SULF1: variants seen among roughly 807,000 people sequenced by gnomAD.
SULF1 encodes extracellular sulfatase Sulf-1.
In SULF1, 46 loss-of-function variants were observed where a neutral mutation model predicts 110.5. That is an observed-to-expected ratio of 0.42 (90% CI 0.33 to 0.53). The LOEUF (loss-of-function observed/expected upper bound fraction) is 0.53. Ranked by LOEUF, SULF1 falls within the 20% of genes least tolerant of loss-of-function variation. The pLI is 0.12. For synonymous variants in SULF1, 371 were observed against 387.1 expected, an observed-to-expected ratio of 0.96 and a Z score of 0.49; for missense variants, 941 against 1,094.2, an observed-to-expected ratio of 0.86 and a Z score of 1.98.
At chr8:69,470,048 CA>C (rs113433043) in intron 1 of SULF1, among the ~76,000 whole-genome samples, 2 of 151,386 alleles carry the variant, frequency 1.3e-5, no homozygotes, top group Admixed American at 6.6e-5. Context: ...GTCTAAAAAA[CA>C]AAAAAAACCA....
chr8:69,480,323 T>A (rs1170809718), intron 1 of SULF1, among the ~76,000 whole-genome samples: 1 of 152,180 alleles, frequency 6.6e-6, no homozygotes, highest in Non-Finnish European at 1.5e-5. Context: ...TTTGCCTGAG[T>A]CTAAACACCT....
Position 69,660,709 on chromosome 8 carries a change from C to T in SULF1, c.*2174C>T, listed in dbSNP as rs561680052. The T allele has an allele frequency of 3.9e-5, 6 of 152,584 alleles. No individual in the cohort carries two copies. In the South Asian group the frequency reaches 1.2e-3, roughly 32 times the overall value. The allele number at this position is 152,584 out of a possible 1,614,324, so 9.5% of individuals were successfully genotyped here. On this transcript the variant is annotated 3_prime_UTR_variant, in exon 23 of 23. Transcript: ENST00000402687. ...ACATATGTTCAAATTAGCTGCTTGC[C>T]TGATGTGTGTATCATCGGTGGGATG...
chr8:69,475,512 T>C (rs954114085), intron 1 of SULF1, among the ~76,000 whole-genome samples: 2 of 151,958 alleles, frequency 1.3e-5, no homozygotes, highest in African/African-American at 4.8e-5. Flanking sequence ...ATAATGCAAC[T>C]TGGTGATTAG....
chr8:69,554,993 A>C (rs1315120527), intron 3 of SULF1, among the ~76,000 whole-genome samples: 15 of 88,330 alleles, frequency 1.7e-4, no homozygotes, highest in East Asian at 6.6e-4. Flanking sequence ...AAAAAAAAAA[A>C]AAAAACAAAA....
intron 3 of SULF1, among the ~76,000 whole-genome samples, chr8:69,532,536 A>G (rs899122056): frequency 6.6e-6 from 1 of 152,210 alleles, no homozygotes; most frequent in Admixed American, 6.5e-5. Context: ...CACAGAAAGG[A>G]GCTAGTGTTT....
chr8:69,575,417 C>T (rs1805532487), intron 5 of SULF1, among the ~76,000 whole-genome samples: 1 of 152,126 alleles, frequency 6.6e-6, no homozygotes, highest in African/African-American at 2.4e-5. Context: ...ATTTGGTGAG[C>T]TTGCTAGAGG....
At chr8:69,526,023 A>T (rs190065059) in intron 3 of SULF1, among the ~76,000 whole-genome samples, 1 of 152,332 alleles carries the variant, frequency 6.6e-6, no homozygotes, top group African/African-American at 2.4e-5. Context: ...TGAGAATATA[A>T]TATATTCTCT....
chr8:69,526,798 A>AAAGGAAGGAAGGAAGG (rs5892198), intron 3 of SULF1, among the ~76,000 whole-genome samples: 3,040 of 112,200 alleles, frequency 0.027, 66 homozygotes, highest in Middle Eastern at 0.03. Context: ...GTCAAGAAAG[A>AAAGGAAGGAAGGAAGG]AAGGAAGGAA....
At chr8:69,501,055 T>C (rs1417038932) in intron 2 of SULF1, among the ~76,000 whole-genome samples, 1 of 152,168 alleles carries the variant, frequency 6.6e-6, no homozygotes, top group African/African-American at 2.4e-5. Context: ...TCCCCCCATA[T>C]GTATACGAAG....
chr8:69,513,525 A>G (rs1456754197), intron 3 of SULF1, among the ~76,000 whole-genome samples: 1 of 152,262 alleles, frequency 6.6e-6, no homozygotes, highest in Non-Finnish European at 1.5e-5. Context: ...AAGACCATCA[A>G]CCTTTGGTCA....
At chr8:69,602,981 G>A (rs185282390) in intron 10 of SULF1, among the ~76,000 whole-genome samples, 2 of 152,264 alleles carry the variant, frequency 1.3e-5, no homozygotes, top group Non-Finnish European at 2.9e-5. Context: ...CATCTCTCCA[G>A]CCTGACCCTG....
chr8:69,562,206 C>A (rs1586408197), intron 3 of SULF1, among the ~76,000 whole-genome samples: 1 of 152,252 alleles, frequency 6.6e-6, no homozygotes, highest in East Asian at 1.9e-4. Flanking sequence ...CAAAACAGCT[C>A]ATAAAGTTTA....
At chr8:69,642,852 A>G (rs867925133) in intron 22 of SULF1, among the ~76,000 whole-genome samples, 1 of 152,180 alleles carries the variant, frequency 6.6e-6, no homozygotes. Flanking sequence ...GTAAATGACA[A>G]GCATCTGGGA....
intron 3 of SULF1, among the ~76,000 whole-genome samples, chr8:69,516,958 A>G (rs992457840): frequency 6.6e-6 from 1 of 152,220 alleles, no homozygotes; most frequent in South Asian, 2.1e-4. Flanking sequence ...TACCAAAAAC[A>G]TCTTCTCACC....
intron 3 of SULF1, among the ~76,000 whole-genome samples, chr8:69,516,814 C>G (rs1446137054): frequency 2.0e-5 from 3 of 151,776 alleles, no homozygotes; most frequent in African/African-American, 7.3e-5. Flanking sequence ...ATAATATTAC[C>G]TAGTAATATT....
chr8:69,482,398 T>G lies in SULF1; in HGVS notation c.-390-13367T>G, dbSNP rs113294924. Among the ~76,000 whole-genome samples, 335 of 152,324 alleles carry G rather than the reference T, an allele frequency of 2.2e-3. 1 individual carries two copies. The highest frequency in any genetic ancestry group is 7.8e-3 in the African/African-American group (323 of 41,566). ...ATTTCATTTGGTTTTGACAACCTTA[T>G]GGATCATGCCACATAACTAAGTACT... On this transcript the variant is annotated intron_variant, in intron 1 of 22. Coordinates refer to the SULF1 transcript ENST00000260128.
chr8:69,501,052 A>G (rs969300049), intron 2 of SULF1, among the ~76,000 whole-genome samples: 1 of 152,196 alleles, frequency 6.6e-6, no homozygotes, highest in Non-Finnish European at 1.5e-5. Flanking sequence ...AGATCCCCCC[A>G]TATGTATACG....
intron 13 of SULF1, among the ~76,000 whole-genome samples, chr8:69,607,737 C>T (rs1808331493): frequency 1.3e-5 from 2 of 152,164 alleles, no homozygotes; most frequent in Admixed American, 6.5e-5. Flanking sequence ...TGAAGATTAT[C>T]TGTTTTTGGC....
At chr8:69,627,416 T>G in intron 16 of SULF1, 110 bp downstream of exon 16, 1 of 694,032 alleles carries the variant, frequency 1.4e-6, no homozygotes, top group Non-Finnish European at 2.3e-6. Context: ...TATAATTATG[T>G]GAAAAAATAC....
Sources: allele counts gnomAD v4.1 joint callset (sites outside exome capture counted in the v4.1 genomes callset), GRCh38; gene constraint gnomAD v4.1.1; transcripts MANE v1.5; gene names NCBI Gene and HGNC (gene_info 2026-07-23, HGNC 2026-07-21).